SYBU: variants seen among roughly 807,000 people sequenced by gnomAD.
SYBU encodes the protein syntabulin.
In SYBU, 21 loss-of-function variants were observed where a neutral mutation model predicts 35.9. That is an observed-to-expected ratio of 0.58 (90% CI 0.41 to 0.84). SYBU has a LOEUF of 0.84. SYBU is among the 40% of genes least tolerant of loss of function. The pLI is 0.00. For synonymous variants in SYBU, 319 were observed against 324.3 expected, an observed-to-expected ratio of 0.98 and a Z score of 0.18; for missense variants, 768 against 848.2, an observed-to-expected ratio of 0.91 and a Z score of 1.17.
intron 1 of SYBU, among the ~76,000 whole-genome samples, chr8:109,673,090 C>A (rs747288738): frequency 2.0e-4 from 30 of 152,178 alleles, no homozygotes; most frequent in Non-Finnish European, 3.1e-4. Context: ...GGGGAAGGGG[C>A]GGCTGTGGAC....
intron 1 of SYBU, among the ~76,000 whole-genome samples, chr8:109,665,749 C>T (rs1816730315): frequency 6.6e-6 from 1 of 152,162 alleles, no homozygotes; most frequent in Non-Finnish European, 1.5e-5. Context: ...TTTTTTAGAT[C>T]TTTAAAATTT....
intron 2 of SYBU, among the ~76,000 whole-genome samples, chr8:109,639,296 A>C (rs1272301548): frequency 2.7e-5 from 4 of 150,176 alleles, no homozygotes; most frequent in Non-Finnish European, 5.9e-5. Context: ...TCTTTGTATT[A>C]AATAAATGTT....
At chr8:109,646,697 T>C (rs868704251), upstream of SYBU, 28 of 152,252 alleles carry the variant, frequency 1.8e-4, no homozygotes, top group African/African-American at 6.7e-4. Flanking sequence ...TGCTTCTGAG[T>C]TCCCTACTTA....
chr8:109,590,810 A>C (rs1586758904), intron 3 of SYBU, among the ~76,000 whole-genome samples: 1 of 151,882 alleles, frequency 6.6e-6, no homozygotes, highest in East Asian at 1.9e-4. Flanking sequence ...AGGACATATT[A>C]GGCAGATGAA....
intron 3 of SYBU, among the ~76,000 whole-genome samples, chr8:109,611,360 C>A (rs1047771834): frequency 6.6e-6 from 1 of 152,174 alleles, no homozygotes; most frequent in Non-Finnish European, 1.5e-5. Flanking sequence ...GGCCATTTGG[C>A]ACCATTACAT....
At chr8:109,690,675 G>A (rs1019279791) in intron 1 of SYBU, among the ~76,000 whole-genome samples, 1 of 152,050 alleles carries the variant, frequency 6.6e-6, no homozygotes, top group Non-Finnish European at 1.5e-5. Context: ...ACTAAATTAA[G>A]CTCACAGATA....
intron 1 of SYBU, among the ~76,000 whole-genome samples, chr8:109,665,255 T>C (rs3133954): frequency 0.32 from 49,113 of 152,010 alleles, 9,651 homozygotes; most frequent in African/African-American, 0.55. Context: ...TGGCTTTTTT[T>C]GGCCAAGCCT....
At chr8:109,629,989 GTTGT>G (rs1374216030) in intron 2 of SYBU, among the ~76,000 whole-genome samples, 1 of 151,870 alleles carries the variant, frequency 6.6e-6, no homozygotes, top group Non-Finnish European at 1.5e-5. Flanking sequence ...TTTTGATGGG[GTTGT>G]TTGTTTTTTT....
chr8:109,684,408 G>A (rs988183408), upstream of SYBU, among the ~76,000 whole-genome samples: 3 of 152,322 alleles, frequency 2.0e-5, no homozygotes, highest in South Asian at 2.1e-4. Context: ...AATAATAGAT[G>A]CTGGATTTAA....
chr8:109,632,440 T>C (rs1813738140), intron 2 of SYBU, among the ~76,000 whole-genome samples: 1 of 152,232 alleles, frequency 6.6e-6, no homozygotes, highest in African/African-American at 2.4e-5. Flanking sequence ...TGTAGCAATG[T>C]ATCTTTTCCT....
intron 2 of SYBU, 31 bp downstream of exon 2, chr8:109,642,697 C>T (rs1373151206): frequency 4.6e-6 from 7 of 1,511,502 alleles, no homozygotes; most frequent in East Asian, 2.3e-5. Flanking sequence ...ACACGCTTCA[C>T]GCCTCTGGTG....
rs768873538 is a variant in SYBU, at chr8:109,644,665, C to G, written c.-6G>C. The G allele has an allele frequency of 7.2e-6, 11 of 1,519,380 alleles. No individual in the cohort carries two copies. In the South Asian group the frequency reaches 8.5e-5, roughly 12 times the overall value. 94.1% of individuals were successfully genotyped at this position (1,519,380 alleles called of 1,614,324 possible). A position where few individuals can be genotyped will look rare whatever the true frequency, so the allele number is the denominator to read the frequency against. ...CTCTCGCGGAGGGGCCCCATCGCGCCGCTGCCCGCCGGCTCCTCGCGCCGC... is the reference window on the plus strand; with the variant it reads ...CTCTCGCGGAGGGGCCCCATCGCGCGGCTGCCCGCCGGCTCCTCGCGCCGC... On this transcript the variant is annotated 5_prime_UTR_variant, in exon 1 of 7. Coordinates refer to ENST00000276646, the MANE Select transcript of SYBU (RefSeq NM_001099754.2).
chr8:109,599,196 C>A lies in SYBU; in HGVS notation c.428-13034G>T, dbSNP rs151028134. On this transcript the variant is annotated intron_variant, in intron 3 of 6. Coordinates refer to ENST00000276646, the MANE Select transcript of SYBU (RefSeq NM_001099754.2). ...AAACAATTAGTGAACACAGACTATACTAGCAAGGAGACTGCCCTTGCACAG... is the reference window on the plus strand; with the variant it reads ...AAACAATTAGTGAACACAGACTATAATAGCAAGGAGACTGCCCTTGCACAG... Among the ~76,000 whole-genome samples, 276 of 152,334 alleles carry A rather than the reference C, an allele frequency of 1.8e-3. 2 individuals are homozygous for A. Among genetic ancestry groups the A allele is most frequent in the African/African-American group, 5.8e-3 (243 of 41,566 alleles).
At chr8:109,665,546 A>G (rs1356775027) in intron 1 of SYBU, among the ~76,000 whole-genome samples, 1 of 152,236 alleles carries the variant, frequency 6.6e-6, no homozygotes, top group African/African-American at 2.4e-5. Context: ...GATTAAAAAT[A>G]GGCAAATTAT....
chr8:109,653,129 C>T (rs1005622514), intron 1 of SYBU, among the ~76,000 whole-genome samples: 2 of 152,030 alleles, frequency 1.3e-5, no homozygotes, highest in Non-Finnish European at 2.9e-5. Context: ...CTCTCTAAAA[C>T]AATAATGATA....
upstream of SYBU, chr8:109,648,556 A>G (rs565712530): frequency 6.6e-5 from 10 of 152,178 alleles, no homozygotes; most frequent in Non-Finnish European, 1.3e-4. Flanking sequence ...ATAGATTTTT[A>G]TTAATAGGAA....
chr8:109,610,873 C>T (rs1446302722), intron 3 of SYBU, among the ~76,000 whole-genome samples: 2 of 152,184 alleles, frequency 1.3e-5, no homozygotes, highest in Non-Finnish European at 2.9e-5. Context: ...TCCTCTTGCT[C>T]CTTCAGGATG....
chr8:109,683,641 T>C (rs531282009), upstream of SYBU, among the ~76,000 whole-genome samples: 10 of 152,206 alleles, frequency 6.6e-5, no homozygotes, highest in South Asian at 2.1e-4. Flanking sequence ...TGGAAAGGCA[T>C]GATTGTGTTT....
chr8:109,676,169 C>T (rs1317637506), intron 1 of SYBU, among the ~76,000 whole-genome samples: 2 of 152,052 alleles, frequency 1.3e-5, no homozygotes, highest in African/African-American at 4.8e-5. Flanking sequence ...TATGACAAAC[C>T]CACAGCCAAT....
Sources: allele counts gnomAD v4.1 joint callset (sites outside exome capture counted in the v4.1 genomes callset), GRCh38; gene constraint gnomAD v4.1.1; transcripts MANE v1.5; gene names NCBI Gene and HGNC (gene_info 2026-07-23, HGNC 2026-07-21).